PARP8: variants seen among roughly 807,000 people sequenced by gnomAD.
PARP8 encodes protein mono-ADP-ribosyltransferase PARP8.
PARP8 carries 51 observed loss-of-function variants against 124.1 expected under a neutral mutation model. The ratio of observed to expected loss-of-function variants is 0.41; its 90% CI spans 0.33 to 0.52. The LOEUF is 0.52. PARP8 is among the 20% of genes least tolerant of loss of function. The probability of loss-of-function intolerance (pLI) is 0.21; values close to 1 mark genes in which losing one functional copy is unlikely to be tolerated. For synonymous variants in PARP8, 391 were observed against 361.5 expected (o/e 1.08, Z -0.93); for missense variants, 860 against 1,018.9 (o/e 0.84, Z 2.12).
intron 14 of PARP8, among the ~76,000 whole-genome samples, chr5:50,806,421 A>G (rs183578346): frequency 6.6e-6 from 1 of 152,120 alleles, no homozygotes; most frequent in East Asian, 1.9e-4. Flanking sequence ...ACTAGTTACT[A>G]TTAGTATTCT....
At chr5:50,668,222 T>A (rs1218771944) in intron 2 of PARP8, 97 bp downstream of exon 2, 19 of 1,166,454 alleles carry the variant, frequency 1.6e-5, no homozygotes, top group Non-Finnish European at 2.2e-5. Flanking sequence ...GGTTGCTTGT[T>A]TGTTTGATTA....
intron 2 of PARP8, among the ~76,000 whole-genome samples, chr5:50,713,337 C>T (rs13174498): frequency 0.067 from 10,145 of 151,962 alleles, 377 homozygotes; most frequent in Middle Eastern, 0.11. Context: ...GCCTCCTGGG[C>T]TCAAGCAGTT....
intron 16 of PARP8, among the ~76,000 whole-genome samples, chr5:50,821,739 A>G (rs1319553183): frequency 6.6e-6 from 1 of 152,356 alleles, no homozygotes; most frequent in Non-Finnish European, 1.5e-5. Context: ...TTCAAATTGC[A>G]TAAGAGCTGA....
chr5:50,825,219 T>C (rs1746212971), intron 18 of PARP8, among the ~76,000 whole-genome samples: 1 of 152,178 alleles, frequency 6.6e-6, no homozygotes, highest in Non-Finnish European at 1.5e-5. Context: ...GGATAAATAG[T>C]GCATTTGACA....
intron 9 of PARP8, among the ~76,000 whole-genome samples, chr5:50,779,409 T>C (rs1312577924): frequency 2.0e-5 from 3 of 152,212 alleles, no homozygotes; most frequent in African/African-American, 7.2e-5. Context: ...AATCAAGGCC[T>C]CACTGGGTTG....
intron 2 of PARP8, among the ~76,000 whole-genome samples, chr5:50,710,362 T>C (rs1401969813): frequency 6.6e-6 from 1 of 152,094 alleles, no homozygotes; most frequent in Non-Finnish European, 1.5e-5. Context: ...CTGACTTTTA[T>C]CTATATTTTG....
rs190044111 is a variant in PARP8 at position 50,838,630 on chromosome 5, G to A, written c.2463-3336G>A. ...TTTATACCATATTCATTTCCCTAAAGCAGTGTTTTGATTATTCACTGCCCA... is the reference window on the plus strand; with the variant it reads ...TTTATACCATATTCATTTCCCTAAAACAGTGTTTTGATTATTCACTGCCCA... On this transcript the variant is annotated intron_variant, in intron 25 of 25. Coordinates refer to ENST00000281631, the MANE Select transcript of PARP8 (RefSeq NM_024615.4). Among the ~76,000 whole-genome samples the A allele has an allele frequency of 3.6e-4, 54 of 152,110 alleles. No individual in the cohort carries two copies. In the Middle Eastern group the frequency reaches 0.017, roughly 48 times the overall value.
At chr5:50,747,150 G>GTTTTTTTTT (rs1561320439) in intron 2 of PARP8, among the ~76,000 whole-genome samples, 51 of 38,474 alleles carry the variant, frequency 1.3e-3, no homozygotes, top group African/African-American at 3.5e-3. Context: ...GGTTTTTTTT[G>GTTTTTTTTT]TTTGTTTGTT....
At chr5:50,754,523 T>C (rs1390565095) in intron 3 of PARP8, among the ~76,000 whole-genome samples, 1 of 152,186 alleles carries the variant, frequency 6.6e-6, no homozygotes, top group Non-Finnish European at 1.5e-5. Context: ...TCATCATTTT[T>C]TATGGCTGCA....
At chr5:50,734,290 A>T (rs1354787629) in intron 2 of PARP8, among the ~76,000 whole-genome samples, 1 of 152,092 alleles carries the variant, frequency 6.6e-6, no homozygotes, top group African/African-American at 2.4e-5. Context: ...AGGAAATTTT[A>T]TCTTTTCCTT....
intron 2 of PARP8, among the ~76,000 whole-genome samples, chr5:50,706,005 G>A (rs1247260947): frequency 6.6e-6 from 1 of 152,068 alleles, no homozygotes; most frequent in African/African-American, 2.4e-5. Context: ...CTCTCTTGAG[G>A]GTAGGTTTTA....
rs1278986649 is a variant in PARP8 at position 50,827,970 on chromosome 5, T to C, written c.2004T>C (p.His668=). 1 of 1,613,348 alleles carries C rather than the reference T, an allele frequency of 6.2e-7. No individual in the cohort carries two copies. Among genetic ancestry groups the C allele is most frequent in the African/African-American group, 1.3e-5 (1 of 74,902 alleles). Residue 668 remains histidine, a synonymous_variant, in exon 20 of 26, where the codon CAT becomes CAC. Coordinates refer to ENST00000281631, the MANE Select transcript of PARP8 (RefSeq NM_024615.4). Reference sequence around the variant, plus strand: ...AATTGAAGTTTATGCATACTCCACATCAGTTCCTTCTTCTCAGCAGTCCAC... The same window carrying C: ...AATTGAAGTTTATGCATACTCCACACCAGTTCCTTCTTCTCAGCAGTCCAC... ...NRQLKFMHTP[H]QFLLLSSPPA...
chr5:50,805,673 C>T (rs1185251847), intron 14 of PARP8, among the ~76,000 whole-genome samples: 1 of 152,032 alleles, frequency 6.6e-6, no homozygotes, highest in Non-Finnish European at 1.5e-5. Flanking sequence ...TTTTATTAGA[C>T]CTTTTTTGTA....
At chr5:50,802,092 G>T (rs1743291412) in intron 14 of PARP8, among the ~76,000 whole-genome samples, 1 of 152,066 alleles carries the variant, frequency 6.6e-6, no homozygotes, top group African/African-American at 2.4e-5. Context: ...TTACTAATAA[G>T]GAAAGACTTC....
chr5:50,736,488 T>C (rs550337959), intron 2 of PARP8, among the ~76,000 whole-genome samples: 42 of 152,272 alleles, frequency 2.8e-4, no homozygotes, highest in African/African-American at 9.6e-4. Context: ...ACCTAATCAG[T>C]TCAGCACCTA....
chr5:50,838,756 C>T (rs1386082610), intron 25 of PARP8, among the ~76,000 whole-genome samples: 1 of 150,776 alleles, frequency 6.6e-6, no homozygotes, highest in East Asian at 2.0e-4. Context: ...AAGTGAAATT[C>T]TTGTCCAAGC....
chr5:50,751,280 G>A (rs75609409), intron 3 of PARP8, among the ~76,000 whole-genome samples: 1,529 of 152,122 alleles, frequency 0.01, 21 homozygotes, highest in African/African-American at 0.035. Context: ...ACACTTTACG[G>A]GAGCCCCACC....
intron 2 of PARP8, among the ~76,000 whole-genome samples, chr5:50,733,916 T>G (rs756292506): frequency 6.6e-6 from 1 of 152,146 alleles, no homozygotes; most frequent in Non-Finnish European, 1.5e-5. Flanking sequence ...ACTGCACACT[T>G]CCCTCCAAAA....
At chr5:50,836,601 C>G (rs1580515436) in intron 25 of PARP8, among the ~76,000 whole-genome samples, 1 of 152,118 alleles carries the variant, frequency 6.6e-6, no homozygotes, top group East Asian at 1.9e-4. Flanking sequence ...CCTTACAGGT[C>G]AGGCTCCTGG....
Sources: allele counts gnomAD v4.1 joint callset (sites outside exome capture counted in the v4.1 genomes callset), GRCh38; gene constraint gnomAD v4.1.1; transcripts MANE v1.5; gene names NCBI Gene and HGNC (gene_info 2026-07-23, HGNC 2026-07-21).